The following PTBP2 variants were observed in gnomAD, a reference collection of about 807,000 sequenced individuals.
PTBP2 encodes polypyrimidine tract binding protein 2.
In PTBP2, 13 loss-of-function variants were observed where a neutral mutation model predicts 61.4. The ratio of observed to expected loss-of-function variants is 0.21; its 90% CI spans 0.14 to 0.34. PTBP2 has a LOEUF of 0.34. PTBP2 is among the 10% of genes least tolerant of loss of function. PTBP2 has a pLI of 1.00. For synonymous variants in PTBP2, 215 were observed against 218.5 expected, an observed-to-expected ratio of 0.98 and a Z score of 0.14; for missense variants, 405 against 642.6, an observed-to-expected ratio of 0.63 and a Z score of 4.00.
At chr1:96,740,749 A>G (rs1055381871) in intron 2 of PTBP2, among the ~76,000 whole-genome samples, 13 of 151,564 alleles carry the variant, frequency 8.6e-5, no homozygotes. Flanking sequence ...GTATTCTGTA[A>G]TTTGCTTTTC....
chr1:96,746,870 TGTCCCTCCCTCCCTCC>T (rs1653876864), intron 2 of PTBP2, among the ~76,000 whole-genome samples: 1 of 44,124 alleles, frequency 2.3e-5, no homozygotes, highest in Non-Finnish European at 3.8e-5. Context: ...TCCGTCCGTC[TGTCCCTCCCTCCCTCC>T]CTCCCTCCCT....
At chr1:96,734,182 ATCAT>A (rs1267097807) in intron 2 of PTBP2, among the ~76,000 whole-genome samples, 15 of 152,318 alleles carry the variant, frequency 9.8e-5, no homozygotes, top group African/African-American at 1.2e-4. Flanking sequence ...TTGTGTATCT[ATCAT>A]TCAGTCCCCA....
intron 2 of PTBP2, among the ~76,000 whole-genome samples, chr1:96,732,435 C>T (rs934625794): frequency 3.3e-5 from 5 of 152,076 alleles, no homozygotes; most frequent in Admixed American, 6.6e-5. Flanking sequence ...TGTATTGGCT[C>T]CTTGAGGGCA....
chr1:96,794,594 A>G (rs542168224), intron 8 of PTBP2, among the ~76,000 whole-genome samples: 2 of 152,300 alleles, frequency 1.3e-5, no homozygotes, highest in South Asian at 2.1e-4. Context: ...TTATTGTATT[A>G]TTCAGCAGTC....
At chr1:96,804,675 C>G in intron 8 of PTBP2, 125 bp from the exon 9 acceptor site, 2 of 923,056 alleles carry the variant, frequency 2.2e-6, no homozygotes, top group East Asian at 5.0e-5. Flanking sequence ...AATTAACTTT[C>G]AGGAACCATT....
chr1:96,798,788 T>G (rs1248888643), intron 8 of PTBP2, among the ~76,000 whole-genome samples: 1 of 152,246 alleles, frequency 6.6e-6, no homozygotes, highest in Non-Finnish European at 1.5e-5. Flanking sequence ...CATACTAATG[T>G]ATGATGCTAA....
At chr1:96,725,606 C>A (rs915945612) in intron 2 of PTBP2, among the ~76,000 whole-genome samples, 1 of 151,856 alleles carries the variant, frequency 6.6e-6, no homozygotes, top group Non-Finnish European at 1.5e-5. Context: ...AATTGCAAAT[C>A]GTTTTTAAAA....
chr1:96,756,040 T>C (rs1165184016), intron 3 of PTBP2, among the ~76,000 whole-genome samples: 15 of 152,196 alleles, frequency 9.9e-5, no homozygotes. Flanking sequence ...ACAGGAACTC[T>C]CACTTACTGC....
intron 2 of PTBP2, among the ~76,000 whole-genome samples, chr1:96,734,436 C>G (rs58419453): frequency 6.6e-6 from 1 of 151,574 alleles, no homozygotes; most frequent in African/African-American, 2.4e-5. Flanking sequence ...TTCTAATTGT[C>G]TCATAAAAGT....
intron 1 of PTBP2, 150 bp downstream of exon 1, chr1:96,722,022 C>T (rs1277493169): frequency 1.9e-6 from 2 of 1,043,888 alleles, no homozygotes; most frequent in Non-Finnish European, 2.8e-6. Flanking sequence ...CACACCCCTC[C>T]CTTTGCTTCC....
At chr1:96,760,194 CAAT>C (rs1655643027) in intron 3 of PTBP2, among the ~76,000 whole-genome samples, 2 of 151,870 alleles carry the variant, frequency 1.3e-5, no homozygotes, top group Non-Finnish European at 2.9e-5. Flanking sequence ...CTCCTCCAAT[CAAT>C]AAATATGAGC....
intron 11 of PTBP2, among the ~76,000 whole-genome samples, chr1:96,811,424 T>G (rs1261510876): frequency 6.6e-6 from 1 of 152,156 alleles, no homozygotes; most frequent in African/African-American, 2.4e-5. Context: ...TGTTGGTTTT[T>G]GTTTTTGTTT....
At chr1:96,776,480 C>G (rs566572562) in intron 5 of PTBP2, among the ~76,000 whole-genome samples, 17 of 152,040 alleles carry the variant, frequency 1.1e-4, no homozygotes, top group East Asian at 7.7e-4. Context: ...TCTGGACTCT[C>G]AAGCCGTGTG....
chr1:96,802,693 A>C (rs1038162456), intron 8 of PTBP2, among the ~76,000 whole-genome samples: 1 of 152,134 alleles, frequency 6.6e-6, no homozygotes, highest in Non-Finnish European at 1.5e-5. Context: ...GCCATATTGA[A>C]GTTGGTGGTT....
intron 7 of PTBP2, among the ~76,000 whole-genome samples, chr1:96,779,283 G>A (rs1263600008): frequency 1.3e-5 from 2 of 151,886 alleles, no homozygotes; most frequent in Non-Finnish European, 2.9e-5. Flanking sequence ...TAGAAGTCAT[G>A]GTTTCTGTGA....
At chr1:96,746,913 C>CCCTCCCTTCCTTCCTTCCTT (rs1397374147) in intron 2 of PTBP2, among the ~76,000 whole-genome samples, 1 of 29,516 alleles carries the variant, frequency 3.4e-5, no homozygotes, top group African/African-American at 1.4e-4. Context: ...CTCCCTCCCT[C>CCCTCCCTTCCTTCCTTCCTT]CCTTCCTTCC....
At chr1:96,768,266 C>T (rs922876372) in intron 3 of PTBP2, among the ~76,000 whole-genome samples, 1 of 151,956 alleles carries the variant, frequency 6.6e-6, no homozygotes. Flanking sequence ...ACCCTCAGAA[C>T]GTAAAACATT....
intron 5 of PTBP2, among the ~76,000 whole-genome samples, chr1:96,774,396 TGTGTTCCAGGAATTTGATAAAATTATTC>T (rs1310547853): frequency 2.0e-5 from 3 of 152,040 alleles, no homozygotes; most frequent in African/African-American, 7.3e-5. Flanking sequence ...ATTCATTTTC[TGTGTTCCAGGAATTTGATAAAATTATTC>T]TCAGCTAATG....
At chr1:96,778,421 C>T (rs577856987) in intron 7 of PTBP2, among the ~76,000 whole-genome samples, 11 of 151,568 alleles carry the variant, frequency 7.3e-5, no homozygotes, top group African/African-American at 2.4e-4. Context: ...GGTTTCTAGT[C>T]ACTTTTTATT....
Sources: allele counts gnomAD v4.1 joint callset (sites outside exome capture counted in the v4.1 genomes callset), GRCh38; gene constraint gnomAD v4.1.1; transcripts MANE v1.5; gene names NCBI Gene and HGNC (gene_info 2026-07-23, HGNC 2026-07-21).